The following DPYSL3 variants were observed in gnomAD, a reference collection of about 807,000 sequenced individuals.
The protein encoded by DPYSL3 is dihydropyrimidinase like 3, also known as dihydropyrimidinase-related protein 3.
A neutral mutation model predicts 66.1 loss-of-function variants in DPYSL3; 16 were observed. The ratio of observed to expected loss-of-function variants is 0.24; its 90% confidence interval spans 0.16 to 0.37. DPYSL3 has a LOEUF of 0.37. Ranked by LOEUF, DPYSL3 falls within the 10% of genes least tolerant of loss-of-function variation. DPYSL3 has a pLI of 1.00. For missense variants in DPYSL3, 738 were observed against 916.2 expected, an observed-to-expected ratio of 0.81 and a Z score of 2.51; for synonymous variants, 338 against 345.1, an observed-to-expected ratio of 0.98 and a Z score of 0.23.
intron 1 of DPYSL3, among the ~76,000 whole-genome samples, chr5:147,478,357 G>A (rs1329563618): frequency 6.6e-6 from 1 of 152,128 alleles, no homozygotes; most frequent in Non-Finnish European, 1.5e-5. Context: ...AAAAAAATCA[G>A]GGTTGCCTCA....
At chr5:147,468,130 A>G (rs1753037141) in intron 1 of DPYSL3, among the ~76,000 whole-genome samples, 1 of 152,210 alleles carries the variant, frequency 6.6e-6, no homozygotes, top group South Asian at 2.1e-4. Context: ...TATAATGCAT[A>G]AAAAGGTGCT....
chr5:147,453,764 A>T, intron 1 of DPYSL3: 1 of 1,307,896 alleles, frequency 7.6e-7, no homozygotes, highest in Non-Finnish European at 9.7e-7. Context: ...GCTGCCAGAG[A>T]CAATAGTAAA....
intron 1 of DPYSL3, chr5:147,453,947 C>A: frequency 3.2e-6 from 1 of 309,828 alleles, no homozygotes; most frequent in Non-Finnish European, 5.8e-6. Context: ...TGATTTTCCT[C>A]TTTGCATCTG....
intron 1 of DPYSL3, among the ~76,000 whole-genome samples, chr5:147,476,667 T>C (rs1327175352): frequency 2.6e-5 from 4 of 152,308 alleles, no homozygotes; most frequent in East Asian, 3.9e-4. Flanking sequence ...CTCATGTATA[T>C]GGAGTGATGA....
chr5:147,395,647 A>G lies in DPYSL3; in HGVS notation c.1878T>C (p.Gly626=). ...PVFDLTTTPK[G]GTPAGSARGS... ...CCCGAGCAGAGCCTGCGGGGGTGCC[A>G]CCTTTGGGGGTGGTGGTCAGGTCAA... The change falls in exon 13 of 14, where the codon GGT becomes GGC. Residue 626 remains glycine, a synonymous_variant. Coordinates refer to ENST00000343218, the MANE Select transcript of DPYSL3 (RefSeq NM_001197294.2). The G allele has an allele frequency of 6.2e-7, 1 of 1,614,058 alleles. No individual in the cohort carries two copies. Among genetic ancestry groups the G allele is most frequent in the Non-Finnish European group, 8.5e-7 (1 of 1,180,010 alleles).
chr5:147,430,869 GAC>G (rs1752302044), intron 1 of DPYSL3, among the ~76,000 whole-genome samples: 1 of 152,140 alleles, frequency 6.6e-6, no homozygotes, highest in South Asian at 2.1e-4. Flanking sequence ...CAGCGCTTAA[GAC>G]ACATCTGTTC....
At chr5:147,443,303 A>C (rs1280873945) in intron 1 of DPYSL3, among the ~76,000 whole-genome samples, 5 of 152,256 alleles carry the variant, frequency 3.3e-5, no homozygotes, top group African/African-American at 1.2e-4. Flanking sequence ...TGCAGCCATA[A>C]AAAGGAATGA....
chr5:147,412,543 G>A, intron 6 of DPYSL3, 65 bp downstream of exon 6: 32 of 1,493,946 alleles, frequency 2.1e-5, no homozygotes, highest in Admixed American at 5.5e-5. Context: ...AAGCAGCACT[G>A]AAGAAATGAA....
intron 1 of DPYSL3, among the ~76,000 whole-genome samples, chr5:147,501,091 T>A (rs1301193693): frequency 2.0e-5 from 3 of 152,094 alleles, no homozygotes; most frequent in African/African-American, 4.8e-5. Flanking sequence ...AGTAGGTAAG[T>A]GAATAAATAA....
At chr5:147,415,945 T>C (rs1265020706) in intron 3 of DPYSL3, 72 bp from the exon 4 acceptor site, 1 of 1,526,436 alleles carries the variant, frequency 6.6e-7, no homozygotes. Context: ...GGCCTGCTCC[T>C]GCTTGCTTAG....
intron 1 of DPYSL3, among the ~76,000 whole-genome samples, chr5:147,477,874 G>A (rs1350728520): frequency 6.6e-6 from 1 of 152,074 alleles, no homozygotes; most frequent in Non-Finnish European, 1.5e-5. Flanking sequence ...GAGCCACCGC[G>A]CCCGGCCCTA....
chr5:147,436,436 T>A (rs2126359963), intron 1 of DPYSL3, among the ~76,000 whole-genome samples: 1 of 152,328 alleles, frequency 6.6e-6, no homozygotes, highest in East Asian at 1.9e-4. Context: ...TGTAAATATG[T>A]TTATTATATT....
chr5:147,481,382 C>T, intron 1 of DPYSL3, among the ~76,000 whole-genome samples: 1 of 152,170 alleles, frequency 6.6e-6, no homozygotes, highest in East Asian at 1.9e-4. Flanking sequence ...ATATTACTTA[C>T]AATCTAACAA....
rs201995900 is a variant in DPYSL3, at chr5:147,416,516, A to AT, written c.656-644dup. Among the ~76,000 whole-genome samples, 661 of 152,112 alleles carry AT rather than the reference A, an allele frequency of 4.3e-3. 2 individuals carry two copies. The highest frequency in any genetic ancestry group is 0.015 in the African/African-American group (616 of 41,488). On this transcript the variant is annotated intron_variant, in intron 3 of 13. Transcript: ENST00000343218. ...CTCTTTCACCCACAACCATGGATAC[A>AT]TTTTTTTTAAACAATGGCATCTACA...
chr5:147,396,686 A>G (rs17484444), intron 12 of DPYSL3, among the ~76,000 whole-genome samples: 1 of 152,076 alleles, frequency 6.6e-6, no homozygotes, highest in Non-Finnish European at 1.5e-5. Flanking sequence ...TACATCATCA[A>G]CACTTCCCTG....
At chr5:147,469,875 T>C (rs1214138162) in intron 1 of DPYSL3, among the ~76,000 whole-genome samples, 1 of 152,216 alleles carries the variant, frequency 6.6e-6, no homozygotes, top group Non-Finnish European at 1.5e-5. Context: ...TCAGTTACAA[T>C]ACAGTGGCCC....
rs56406515 is a variant in DPYSL3, at chr5:147,477,561, C to CTTTTTT, written c.381+31911_381+31916dup. On this transcript the variant is annotated intron_variant, in intron 1 of 13. Transcript: ENST00000343218. ...GAAGGAAAAATAAAAACACCTAAAT[C>CTTTTTT]TTTTTTTTTTTTTTTTTTTTTTTTT... 2.5e-4 allele frequency among the ~76,000 whole-genome samples: 16 copies of CTTTTTT among 64,764 alleles called. 1 individual carries two copies. Among genetic ancestry groups the CTTTTTT allele is most frequent in the African/African-American group, 6.7e-4 (11 of 16,460 alleles). The allele number at this position is 64,764 out of a possible 152,430, so 42.5% of individuals were successfully genotyped here. A position where few individuals can be genotyped will look rare whatever the true frequency, so the allele number is the denominator to read the frequency against.
chr5:147,510,010 G>C lies in DPYSL3; in HGVS notation c.-152C>G. 7.8e-7 allele frequency: 1 copy of C among 1,278,684 alleles called. No homozygotes were observed. The highest frequency in any genetic ancestry group is 1.0e-6 in the Non-Finnish European group (1 of 966,226). The allele number at this position is 1,278,684 out of a possible 1,614,324, so 79.2% of individuals were successfully genotyped here. Reference sequence around the variant, plus strand: ...GGCAGTGCTGCTCCGATTCCTGCTTGTCCCTAGCGAGCCAGCGAGCCACAC... The same window carrying C: ...GGCAGTGCTGCTCCGATTCCTGCTTCTCCCTAGCGAGCCAGCGAGCCACAC... On this transcript the variant is annotated 5_prime_UTR_variant, in exon 1 of 14. Transcript: ENST00000343218.
chr5:147,422,259 AT>A (rs780203045), intron 2 of DPYSL3, among the ~76,000 whole-genome samples: 4 of 152,250 alleles, frequency 2.6e-5, no homozygotes, highest in Non-Finnish European at 5.9e-5. Context: ...AAAGCTCATC[AT>A]TACTGGTCAC....
Sources: gnomAD v4.1 joint callset for allele counts (sites outside exome capture counted in the v4.1 genomes callset) on GRCh38, gnomAD v4.1.1 for gene constraint, MANE v1.5 for transcripts, NCBI Gene and HGNC (gene_info 2026-07-23, HGNC 2026-07-21) for gene names.